Variants in PDXDC1 observed in about 807,000 individuals in gnomAD.
The protein encoded by PDXDC1 is pyridoxal-dependent decarboxylase domain-containing protein 1.
A neutral mutation model predicts 100.1 loss-of-function variants in PDXDC1; 42 were observed. The ratio of observed to expected loss-of-function variants is 0.42; its 90% confidence interval spans 0.33 to 0.54. The LOEUF (loss-of-function observed/expected upper bound fraction) is 0.54. Ranked by LOEUF, PDXDC1 falls within the 20% of genes least tolerant of loss-of-function variation. The probability of loss-of-function intolerance (pLI) is 0.10; values close to 1 mark genes in which losing one functional copy is unlikely to be tolerated. For synonymous variants in PDXDC1, 260 were observed against 371.7 expected (o/e 0.70, Z 3.46); for missense variants, 636 against 979.2 (o/e 0.65, Z 4.68).
chr16:15,048,230 G>C, intron 16 of PDXDC1: 1 of 632,420 alleles, frequency 1.6e-6, no homozygotes, highest in South Asian at 2.0e-5. Flanking sequence ...TTAGTGGACA[G>C]AGAGGCTCAA....
chr16:15,143,170 A>T, downstream of PDXDC1, among the ~76,000 whole-genome samples: 1 of 152,138 alleles, frequency 6.6e-6, no homozygotes, highest in East Asian at 1.9e-4. Context: ...AGGCAGGAGG[A>T]GTTAGGACCA....
At chr16:15,076,504 G>A (rs1567203620) in intron 16 of PDXDC1, 1 of 1,207,878 alleles carries the variant, frequency 8.3e-7, no homozygotes, top group Non-Finnish European at 1.2e-6. Flanking sequence ...AGCACTAGCT[G>A]TTTCCACCCT....
chr16:15,135,057 C>G, intron 16 of PDXDC1: 1 of 559,282 alleles, frequency 1.8e-6, no homozygotes, highest in South Asian at 2.0e-5. Context: ...GACTGTGTAG[C>G]TTTTGTCACT....
chr16:15,032,697 C>A, intron 17 of PDXDC1, 164 bp from the exon 18 acceptor site: 1 of 499,492 alleles, frequency 2.0e-6, no homozygotes, highest in Non-Finnish European at 3.6e-6. Context: ...CTCTTTACTC[C>A]TGGCACACTT....
intron 16 of PDXDC1, chr16:15,132,731 G>A (rs1195589510): frequency 3.3e-5 from 35 of 1,074,406 alleles, no homozygotes; most frequent in Admixed American, 1.7e-5. Context: ...CATGCACTGG[G>A]CCAGCGCAGC....
chr16:14,984,876 A>T (rs1190658421), intron 1 of PDXDC1, among the ~76,000 whole-genome samples: 23 of 150,768 alleles, frequency 1.5e-4, no homozygotes, highest in Non-Finnish European at 3.0e-4. Context: ...AAAAGATGAA[A>T]TTTTTTTTTT....
chr16:15,053,911 C>CA (rs1362378789), intron 16 of PDXDC1, among the ~76,000 whole-genome samples: 2 of 152,018 alleles, frequency 1.3e-5, no homozygotes, highest in Non-Finnish European at 2.9e-5. Context: ...AACTAAGTCT[C>CA]AAAAAAACCA....
chr16:15,040,596 G>C (rs985561662), downstream of PDXDC1: 1 of 174,802 alleles, frequency 5.7e-6, no homozygotes, highest in Admixed American at 5.7e-5. Flanking sequence ...GCCAAGCAGG[G>C]AGGATGGTTC....
the PDXDC1 span, among the ~76,000 whole-genome samples, chr16:15,149,913 G>A: frequency 2.6e-5 from 4 of 152,082 alleles, no homozygotes; most frequent in African/African-American, 7.2e-5. Flanking sequence ...GAAACACAAA[G>A]GACACACTCA....
intron 17 of PDXDC1, 197 bp downstream of exon 17, chr16:15,032,103 G>A: frequency 1.7e-6 from 1 of 585,752 alleles, no homozygotes. Flanking sequence ...CGCTCAGGGA[G>A]GGGAGTTGCT....
intron 16 of PDXDC1, chr16:15,060,259 C>A: frequency 3.1e-6 from 1 of 325,946 alleles, no homozygotes. Context: ...AAAAAATCAA[C>A]ATTTTGCCAG....
chr16:15,090,534 G>C (rs1396666333), intron 16 of PDXDC1, among the ~76,000 whole-genome samples: 1 of 152,202 alleles, frequency 6.6e-6, no homozygotes, highest in Non-Finnish European at 1.5e-5. Context: ...AGGAGTTCAA[G>C]GCTGTAGTGC....
chr16:15,037,997 C>A lies in PDXDC1; in HGVS notation c.*1722C>A, dbSNP rs181477806. ...CCAGCCCCACCAATGGTCTGTCAGG[C>A]CAAGAAGGTGCTTTCTTTGGTAATT... On this transcript the variant is annotated 3_prime_UTR_variant, in exon 23 of 23. Coordinates refer to ENST00000396410, the MANE Select transcript of PDXDC1 (RefSeq NM_015027.4). 6.4e-7 allele frequency: 1 copy of A among 1,564,898 alleles called. No individual in the cohort carries two copies. The highest frequency in any genetic ancestry group is 2.2e-5 in the East Asian group (1 of 44,638).
chr16:15,064,514 A>G (rs144680435), intron 16 of PDXDC1, among the ~76,000 whole-genome samples: 3 of 152,298 alleles, frequency 2.0e-5, no homozygotes, highest in Non-Finnish European at 4.4e-5. Flanking sequence ...ACAGAATGGT[A>G]TGTGGTCTCT....
At chr16:15,052,328 T>C (rs1165434749) in intron 16 of PDXDC1, among the ~76,000 whole-genome samples, 2 of 152,198 alleles carry the variant, frequency 1.3e-5, no homozygotes, top group Non-Finnish European at 2.9e-5. Context: ...CTTTGAGAAA[T>C]ATAAAGACCA....
intron 1 of PDXDC1, among the ~76,000 whole-genome samples, chr16:14,985,281 CTTTTTTTTTTT>C (rs769346480): frequency 3.5e-5 from 4 of 114,506 alleles, no homozygotes; most frequent in African/African-American, 6.4e-5. Context: ...TGATAAACAA[CTTTTTTTTTTT>C]TTTTTTTTTT....
chr16:14,981,642 T>A (rs1204311079), intron 1 of PDXDC1, among the ~76,000 whole-genome samples: 4 of 152,278 alleles, frequency 2.6e-5, no homozygotes, highest in Non-Finnish European at 5.9e-5. Flanking sequence ...GACACTGCAG[T>A]AGTGGTCTCT....
intron 16 of PDXDC1, among the ~76,000 whole-genome samples, chr16:15,053,424 A>G (rs2151732824): frequency 6.6e-6 from 1 of 152,364 alleles, no homozygotes; most frequent in Non-Finnish European, 1.5e-5. Flanking sequence ...CTCAGAACAC[A>G]TCGTTACATG....
intron 16 of PDXDC1, among the ~76,000 whole-genome samples, chr16:15,096,994 A>G (rs948335816): frequency 1.3e-5 from 2 of 152,124 alleles, no homozygotes; most frequent in African/African-American, 4.8e-5. Flanking sequence ...GGGTGCAGTG[A>G]CTCACACCTG....
Sources: allele counts gnomAD v4.1 joint callset (sites outside exome capture counted in the v4.1 genomes callset), GRCh38; gene constraint gnomAD v4.1.1; transcripts MANE v1.5; gene names NCBI Gene and HGNC (gene_info 2026-07-23, HGNC 2026-07-21).